Variants in KAZN observed in about 807,000 individuals in gnomAD.
The protein encoded by KAZN is kazrin, periplakin interacting protein.
Under a neutral mutation model 87.4 loss-of-function variants are expected in KAZN, and 40 were observed. The ratio of observed to expected loss-of-function variants is 0.46; its 90% CI spans 0.36 to 0.60. The LOEUF (loss-of-function observed/expected upper bound fraction) is 0.60, where lower values mean the gene tolerates loss of function less well. Ranked by LOEUF, KAZN falls within the 20% of genes least tolerant of loss-of-function variation. The probability of loss-of-function intolerance (pLI) is 0.00; values close to 1 mark genes in which losing one functional copy is unlikely to be tolerated. For missense variants in KAZN, 898 were observed against 1,073.9 expected, an observed-to-expected ratio of 0.84 and a Z score of 2.29; for synonymous variants, 466 against 458.3, an observed-to-expected ratio of 1.02 and a Z score of -0.22.
intron 1 of KAZN, among the ~76,000 whole-genome samples, chr1:13,907,481 G>A (rs1639486173): frequency 6.6e-6 from 1 of 152,008 alleles, no homozygotes; most frequent in South Asian, 2.1e-4. Context: ...GGCCTTTGAG[G>A]GGTGTGTATG....
At chr1:14,576,410 T>C (rs1675188382) in intron 2 of KAZN, among the ~76,000 whole-genome samples, 1 of 149,806 alleles carries the variant, frequency 6.7e-6, no homozygotes. Context: ...GATGGACAGA[T>C]AAATAGATGG....
intron 1 of KAZN, among the ~76,000 whole-genome samples, chr1:13,909,199 A>G (rs887433471): frequency 2.6e-5 from 4 of 152,212 alleles, no homozygotes; most frequent in Admixed American, 1.3e-4. Context: ...ACACCAGTTA[A>G]TTTCACTGGT....
At chr1:14,792,555 G>A (rs1175822048) in intron 1 of KAZN, among the ~76,000 whole-genome samples, 1 of 152,132 alleles carries the variant, frequency 6.6e-6, no homozygotes, top group Admixed American at 6.5e-5. Context: ...AAAAGGAGAG[G>A]AATCTTGACT....
Position 14,772,348 on chromosome 1 carries a change from G to A in KAZN, c.226+173125G>A, listed in dbSNP as rs1046463911. Among the ~76,000 whole-genome samples, 5 of 152,204 alleles carry A rather than the reference G, an allele frequency of 3.3e-5. No homozygotes were observed. In the East Asian group the frequency reaches 9.7e-4, roughly 29 times the overall value. On this transcript the variant is annotated intron_variant, in intron 1 of 14. Transcript: ENST00000376030. ...AAAATTTAACAATTAGCCAGGAGTGGTGGCATGCACCTGTGGTCCCAGCTC... is the reference window on the plus strand; with the variant it reads ...AAAATTTAACAATTAGCCAGGAGTGATGGCATGCACCTGTGGTCCCAGCTC...
chr1:14,599,163 G>A lies in KAZN; in HGVS notation c.166G>A (p.Ala56Thr). The part of the protein sequence containing the change: ...PGPGPGAAAS[A>T]SAAGDSAATN... ...CCCGGGCCCGGGAGCCGCGGCCAGC[G>A]CCTCGGCGGCGGGGGACTCGGCGGC... Residue 56 changes from alanine (A) to threonine (T), a missense_variant, in exon 1 of 15, where the codon GCC (alanine) becomes ACC (threonine). This residue lies in a region of KAZN where 250 missense variants were observed against 263.0 expected (regional missense o/e 0.95). Transcript: ENST00000376030. The surrounding 1 kb of genome is among the most constrained non-coding windows in gnomAD (Gnocchi z 4.4). 7.3e-7 allele frequency: 1 copy of A among 1,375,150 alleles called. No homozygotes were observed. The highest frequency in any genetic ancestry group is 9.4e-7 in the Non-Finnish European group (1 of 1,067,330). 85.2% of individuals were successfully genotyped at this position (1,375,150 alleles called of 1,614,324 possible). A position where few individuals can be genotyped will look rare whatever the true frequency, so the allele number is the denominator to read the frequency against.
At position 15,021,358 on chromosome 1, in the gene KAZN, C is replaced by T. The variant is rs895556861; in HGVS notation, c.419-13391C>T. Reference sequence around the variant, plus strand: ...CAGAAATCTCCATTTCCCCCTCCCGCTTCAACCTAGGGAATGTCCGTGTTC... The same window carrying T: ...CAGAAATCTCCATTTCCCCCTCCCGTTTCAACCTAGGGAATGTCCGTGTTC... On this transcript the variant is annotated intron_variant, in intron 2 of 14. Transcript: ENST00000376030. This position sits in a 1 kb window ranked among gnomAD's most constrained non-coding sequence, Gnocchi z 4.2. 1.3e-5 allele frequency among the ~76,000 whole-genome samples: 2 copies of T among 152,242 alleles called. No homozygotes were observed. The highest frequency in any genetic ancestry group is 2.9e-5 in the Non-Finnish European group (2 of 68,050).
rs1645041577 is a variant in KAZN, at chr1:14,133,432, A to AGAAG, written c.92-47000_92-46999insGGAA. The stretch of plus-strand genomic sequence containing the variant: ...AAGAAAGAAAGAAAGAAAGAAAGAA[A>AGAAG]GAAAGAAAATAGGGGAATCTATGTG... On this transcript the variant is annotated intron_variant, in intron 1 of 16. Coordinates refer to the KAZN transcript ENST00000636203. Among the ~76,000 whole-genome samples, 3 of 146,936 alleles carry AGAAG rather than the reference A, an allele frequency of 2.0e-5. No homozygotes were observed. The Admixed American group carries it at 2.1e-4, about 10-fold the overall frequency.
At chr1:14,563,551 T>C (rs1674373501) in intron 2 of KAZN, among the ~76,000 whole-genome samples, 1 of 152,074 alleles carries the variant, frequency 6.6e-6, no homozygotes, top group Non-Finnish European at 1.5e-5. Context: ...CCTTCCTGGA[T>C]TTATCTCAGT....
chr1:14,756,519 C>T (rs1644570952), intron 1 of KAZN, among the ~76,000 whole-genome samples: 1 of 152,248 alleles, frequency 6.6e-6, no homozygotes, highest in African/African-American at 2.4e-5. Context: ...AAACCAGGAT[C>T]TTGCCCCATA....
intron 2 of KAZN, among the ~76,000 whole-genome samples, chr1:14,183,327 C>T (rs144115516): frequency 1.4e-4 from 22 of 152,190 alleles, no homozygotes; most frequent in Admixed American, 2.0e-4. Flanking sequence ...AAAATGGAAT[C>T]GCGAAGGGAG....
intron 1 of KAZN, among the ~76,000 whole-genome samples, chr1:14,102,531 G>T (rs1484172903): frequency 2.0e-5 from 3 of 152,016 alleles, no homozygotes; most frequent in Non-Finnish European, 4.4e-5. Context: ...GTAAACTGCT[G>T]CTGGCTTCCT....
intron 2 of KAZN, among the ~76,000 whole-genome samples, chr1:14,967,073 C>T (rs1040569419): frequency 6.6e-6 from 1 of 152,144 alleles, no homozygotes; most frequent in Non-Finnish European, 1.5e-5. Context: ...TTGATGCAGG[C>T]AGATGATGGG....
At chr1:14,704,377 G>A (rs1249693533) in intron 1 of KAZN, among the ~76,000 whole-genome samples, 1 of 152,214 alleles carries the variant, frequency 6.6e-6, no homozygotes, top group Non-Finnish European at 1.5e-5. Context: ...AATGAGCCAG[G>A]CCAATTTGGA....
At chr1:14,700,894 A>G (rs551773215) in intron 1 of KAZN, among the ~76,000 whole-genome samples, 1 of 152,268 alleles carries the variant, frequency 6.6e-6, no homozygotes, top group African/African-American at 2.4e-5. Context: ...ATGGATCCAG[A>G]TACATTCTTG....
intron 1 of KAZN, among the ~76,000 whole-genome samples, chr1:14,727,691 C>T (rs1643465714): frequency 6.6e-6 from 1 of 151,472 alleles, no homozygotes; most frequent in Non-Finnish European, 1.5e-5. Context: ...GTCTCGAACT[C>T]CCGACCTGAG....
intron 1 of KAZN, among the ~76,000 whole-genome samples, chr1:14,084,785 C>G (rs556294428): frequency 6.6e-6 from 1 of 151,476 alleles, no homozygotes; most frequent in Non-Finnish European, 1.5e-5. Context: ...TGTTAAATGA[C>G]GAGTTAATGG....
intron 1 of KAZN, among the ~76,000 whole-genome samples, chr1:14,915,566 A>G (rs1053271367): frequency 2.0e-5 from 3 of 152,232 alleles, no homozygotes; most frequent in Admixed American, 1.3e-4. Flanking sequence ...CATCCTGCCC[A>G]GCAGCACTGC....
intron 1 of KAZN, among the ~76,000 whole-genome samples, chr1:14,171,135 T>C (rs1302282258): frequency 6.6e-6 from 1 of 152,246 alleles, no homozygotes; most frequent in Non-Finnish European, 1.5e-5. Context: ...TCCTACTGTA[T>C]AGCTGAATAG....
chr1:14,257,973 G>GAGAAAAAAAAAAAAAAAAAAAA (rs1650673206), intron 2 of KAZN, among the ~76,000 whole-genome samples: 1 of 87,348 alleles, frequency 1.1e-5, no homozygotes, highest in African/African-American at 5.1e-5. Context: ...AAAAAAAAAA[G>GAGAAAAAAAAAAAAAAAAAAAA]AGAAAAAAAA....
Sources: allele counts gnomAD v4.1 joint callset (sites outside exome capture counted in the v4.1 genomes callset), GRCh38; gene constraint gnomAD v4.1.1; regional missense constraint gnomAD v4.1.1; non-coding constraint Gnocchi (gnomAD v3.1); transcripts MANE v1.5; gene names NCBI Gene and HGNC (gene_info 2026-07-23, HGNC 2026-07-21).